Variants in STAU2 observed in about 807,000 individuals in gnomAD.
STAU2 encodes staufen double-stranded RNA binding protein 2, also known as double-stranded RNA-binding protein Staufen homolog 2.
Under a neutral mutation model 65.9 loss-of-function variants are expected in STAU2, and 20 were observed. That is an observed-to-expected ratio of 0.30 (90% confidence interval 0.21 to 0.44). STAU2 has a LOEUF of 0.44. STAU2 is among the 20% of genes least tolerant of loss of function. The pLI, the probability that STAU2 is intolerant of heterozygous loss-of-function variation, is 1.00. For synonymous variants in STAU2, 232 were observed against 233.9 expected, an observed-to-expected ratio of 0.99 and a Z score of 0.07; for missense variants, 558 against 683.9, an observed-to-expected ratio of 0.82 and a Z score of 2.05.
intron 9 of STAU2, among the ~76,000 whole-genome samples, chr8:73,604,219 CATTTT>C (rs747579074): frequency 6.6e-5 from 10 of 151,914 alleles, no homozygotes; most frequent in African/African-American, 4.8e-5. Context: ...AACACATTAT[CATTTT>C]ATTTTATTTT....
chr8:73,632,167 TAAAG>T (rs991371519), intron 6 of STAU2, among the ~76,000 whole-genome samples: 1 of 151,928 alleles, frequency 6.6e-6, no homozygotes, highest in African/African-American at 2.4e-5. Context: ...AAAGCTGACA[TAAAG>T]AACTGATTTG....
At chr8:73,647,216 T>C (rs1815457982) in intron 6 of STAU2, among the ~76,000 whole-genome samples, 1 of 152,212 alleles carries the variant, frequency 6.6e-6, no homozygotes, top group Admixed American at 6.5e-5. Context: ...AACTGAGGTA[T>C]CACACTCCTG....
At chr8:73,559,874 C>A (rs889211082) in intron 12 of STAU2, among the ~76,000 whole-genome samples, 6 of 151,996 alleles carry the variant, frequency 3.9e-5, no homozygotes, top group Non-Finnish European at 7.4e-5. Flanking sequence ...CAAATATATA[C>A]TACTTATGAA....
At chr8:73,480,356 G>C (rs981545060) in intron 13 of STAU2, among the ~76,000 whole-genome samples, 1 of 152,136 alleles carries the variant, frequency 6.6e-6, no homozygotes, top group African/African-American at 2.4e-5. Context: ...AATAAGACAT[G>C]AGCTTTTCTC....
At chr8:73,485,197 G>C (rs1436157915) in intron 13 of STAU2, among the ~76,000 whole-genome samples, 1 of 133,826 alleles carries the variant, frequency 7.5e-6, no homozygotes, top group Non-Finnish European at 1.5e-5. Context: ...CTATCACCCA[G>C]GCTGGAGTGA....
chr8:73,559,969 T>TA (rs1385268200), intron 12 of STAU2, among the ~76,000 whole-genome samples: 1 of 148,612 alleles, frequency 6.7e-6, no homozygotes, highest in South Asian at 2.1e-4. Flanking sequence ...AATGAAAAAA[T>TA]AAAAAAATAG....
At chr8:73,578,137 T>TA (rs1221063726) in intron 12 of STAU2, among the ~76,000 whole-genome samples, 14 of 152,214 alleles carry the variant, frequency 9.2e-5, no homozygotes, top group East Asian at 5.8e-4. Flanking sequence ...TTTCCATTTT[T>TA]AAAAAAAATG....
At chr8:73,718,503 A>G (rs1821413080) in intron 3 of STAU2, among the ~76,000 whole-genome samples, 1 of 152,232 alleles carries the variant, frequency 6.6e-6, no homozygotes, top group Non-Finnish European at 1.5e-5. Flanking sequence ...AAGAAAGCAG[A>G]GCATTGTCTT....
At chr8:73,604,639 G>A (rs893057803) in intron 9 of STAU2, among the ~76,000 whole-genome samples, 2 of 152,148 alleles carry the variant, frequency 1.3e-5, no homozygotes, top group Non-Finnish European at 2.9e-5. Context: ...GGGCAAAAGA[G>A]ATAAATACTT....
intron 13 of STAU2, among the ~76,000 whole-genome samples, chr8:73,423,198 G>T (rs1404147983): frequency 6.6e-6 from 1 of 152,202 alleles, no homozygotes. Flanking sequence ...TGAGGGGATG[G>T]ATGGTAAGAT....
rs931767637 is a variant in STAU2, at chr8:73,420,793, T to A, written c.*579A>T. ...GATATCTGACCTGATTTAAAACATG[T>A]TTGTTTGCATACATCTTTTTGTAGT... On this transcript the variant is annotated 3_prime_UTR_variant, in exon 15 of 15. Transcript: ENST00000524300. The A allele has an allele frequency of 1.9e-5, 3 of 155,664 alleles. No homozygotes were observed. The highest frequency in any genetic ancestry group is 7.2e-5 in the African/African-American group (3 of 41,484). The allele number at this position is 155,664 out of a possible 1,614,324, so 9.6% of individuals were successfully genotyped here.
At chr8:73,502,924 AT>A (rs1437176402) in intron 13 of STAU2, among the ~76,000 whole-genome samples, 1 of 152,118 alleles carries the variant, frequency 6.6e-6, no homozygotes, top group Admixed American at 6.6e-5. Context: ...CTTTTATGTT[AT>A]CATAATTTTG....
At chr8:73,550,168 T>C in intron 13 of STAU2, 3 of 985,388 alleles carry the variant, frequency 3.0e-6, no homozygotes, top group Non-Finnish European at 3.6e-6. Flanking sequence ...TAAAATCACC[T>C]GTTTATATTC....
At chr8:73,632,482 CTT>C (rs1051964639) in intron 6 of STAU2, among the ~76,000 whole-genome samples, 4 of 152,168 alleles carry the variant, frequency 2.6e-5, no homozygotes, top group African/African-American at 9.7e-5. Context: ...TTATTGTTCT[CTT>C]TGTTATCCTG....
chr8:73,740,871 C>T (rs1391021791), intron 1 of STAU2, among the ~76,000 whole-genome samples: 1 of 151,972 alleles, frequency 6.6e-6, no homozygotes, highest in Non-Finnish European at 1.5e-5. Context: ...CATAGTAACA[C>T]ATGCCTGTAA....
chr8:73,628,930 A>C (rs1813888200), intron 6 of STAU2, among the ~76,000 whole-genome samples: 1 of 152,324 alleles, frequency 6.6e-6, no homozygotes, highest in South Asian at 2.1e-4. Flanking sequence ...TCAACTTTGG[A>C]TGTTTGCCCA....
chr8:73,616,627 T>C (rs1370575407), intron 7 of STAU2, among the ~76,000 whole-genome samples: 2 of 152,006 alleles, frequency 1.3e-5, no homozygotes, highest in African/African-American at 4.8e-5. Flanking sequence ...TGAAACCCCA[T>C]CTCTGCTAAA....
intron 1 of STAU2, among the ~76,000 whole-genome samples, chr8:73,745,792 C>T (rs1031321320): frequency 2.0e-5 from 3 of 152,050 alleles, no homozygotes; most frequent in African/African-American, 7.2e-5. Flanking sequence ...AATATGGACC[C>T]TTACCAAAGA....
chr8:73,621,869 C>T (rs1182468605), intron 6 of STAU2, among the ~76,000 whole-genome samples: 3 of 152,114 alleles, frequency 2.0e-5, no homozygotes, highest in Non-Finnish European at 4.4e-5. Flanking sequence ...ACAATGTGGC[C>T]CATGTGACTT....
Sources: gnomAD v4.1 joint callset for allele counts (sites outside exome capture counted in the v4.1 genomes callset) on GRCh38, gnomAD v4.1.1 for gene constraint, MANE v1.5 for transcripts, NCBI Gene and HGNC (gene_info 2026-07-23, HGNC 2026-07-21) for gene names.